KMT2D: variants seen among roughly 807,000 people sequenced by gnomAD.
The protein encoded by KMT2D is lysine methyltransferase 2D.
Under a neutral mutation model 512.7 loss-of-function variants are expected in KMT2D, and 55 were observed. The ratio of observed to expected loss-of-function variants is 0.11; its 90% CI spans 0.09 to 0.13. The LOEUF is 0.13. Among genes scored for constraint, KMT2D ranks in the 10% least tolerant of loss-of-function variants. The pLI, the probability that KMT2D is intolerant of heterozygous loss-of-function variation, is 1.00. For missense variants in KMT2D, 6,061 were observed against 7,127.9 expected (o/e 0.85, Z 5.39); for synonymous variants, 2,995 against 2,904.0 (o/e 1.03, Z -1.01).
intron 1 of KMT2D, among the ~76,000 whole-genome samples, chr12:49,058,439 T>A (rs1378347324): frequency 2.6e-5 from 4 of 152,144 alleles, no homozygotes; most frequent in Admixed American, 2.0e-4. Context: ...AGTATATGTA[T>A]GTTGGAGCAG....
rs1057516188 is a variant in KMT2D, at chr12:49,040,521, A to C, written c.7249T>G (p.Ser2417Ala). 1 of 1,601,276 alleles carries C rather than the reference A, an allele frequency of 6.2e-7. No homozygotes were observed. Among genetic ancestry groups the C allele is most frequent in the Non-Finnish European group, 8.5e-7 (1 of 1,171,900 alleles). ...AGTGGAGACTGGGAGCTGGACTGGG[A>C]CTGAGGACTGGCAGGCACTCGGGAG... ...PFSRVPASPQ[S>A]QSSSQSPLTP... Residue 2417 changes from serine (S) to alanine (A), a missense_variant, in exon 32 of 55, where the codon TCC (serine) becomes GCC (alanine). This residue lies in a region of KMT2D where 710 missense variants were observed against 647.3 expected (regional missense o/e 1.10). Transcript: ENST00000301067.
Position 49,038,428 on chromosome 12 carries a change from G to A in KMT2D, c.8928C>T (p.Pro2976=), listed in dbSNP as rs1451962506. 2 of 1,613,150 alleles carry A rather than the reference G, an allele frequency of 1.2e-6. No individual in the cohort carries two copies. The highest frequency in any genetic ancestry group is 1.7e-5 in the Admixed American group (1 of 59,988). Residue 2976 remains proline (P), a synonymous_variant, in exon 35 of 55, where the codon CCC becomes CCT. Coordinates refer to ENST00000301067, the MANE Select transcript of KMT2D (RefSeq NM_003482.4). This position sits in a 1 kb window ranked among gnomAD's most constrained non-coding sequence, Gnocchi z 5.7. ...RPPSSTELGR[P]NPLALEAGKL... ...TCCCAGCTTCCAGGGCCAGAGGATTGGGGCGGCCAAGCTCAGTGCTCGACG... is the reference window on the plus strand; with the variant it reads ...TCCCAGCTTCCAGGGCCAGAGGATTAGGGCGGCCAAGCTCAGTGCTCGACG...
chr12:49,045,923 G>A lies in KMT2D; in HGVS notation c.4738C>T (p.Pro1580Ser), dbSNP rs2120596253. ...PELVPMKVKE[P>S]EPQYFRFEGV... ...ATTCAAAATTTCTGTGACTCACCTG[G>A]CTCTTTCACCTTCATGGGCACCAGC... The change falls in exon 19 of 55, where the codon CCA (proline) becomes TCA (serine). Residue 1580 changes from proline to serine, a missense_variant. This residue lies in a region of KMT2D where 640 missense variants were observed against 814.3 expected (regional missense o/e 0.79). Coordinates refer to ENST00000301067, the MANE Select transcript of KMT2D (RefSeq NM_003482.4). 2.5e-6 allele frequency: 4 copies of A among 1,613,434 alleles called. No homozygotes were observed. Among genetic ancestry groups the A allele is most frequent in the Non-Finnish European group, 3.4e-6 (4 of 1,179,384 alleles).
intron 15 of KMT2D, among the ~76,000 whole-genome samples, chr12:49,047,630 C>T (rs1160065414): frequency 6.6e-6 from 1 of 151,722 alleles, no homozygotes; most frequent in Non-Finnish European, 1.5e-5. Context: ...ATGTTGACCA[C>T]GATGGTCCTG....
chr12:49,038,083 T>G lies in KMT2D; in HGVS notation c.9273A>C (p.Pro3091=), dbSNP rs769280577. The change falls in exon 35 of 55, where the codon CCA becomes CCC. Residue 3091 remains proline, a synonymous_variant. Transcript: ENST00000301067. The surrounding 1 kb of genome is among the most constrained non-coding windows in gnomAD (Gnocchi z 5.7). ...GGCGCTCCTCAGGGCCCAAGGGTCC[T>G]GGCTCCACCCCCCGCAGCAGGGCCT... The part of the protein sequence containing the change: ...EREALLRGVE[P]GPLGPEERPP... The G allele has an allele frequency of 6.2e-7, 1 of 1,613,666 alleles. No homozygotes were observed. The highest frequency in any genetic ancestry group is 1.1e-5 in the South Asian group (1 of 91,060).
rs1201766372 is a variant in KMT2D at position 49,046,860 on chromosome 12, T to G, written c.4237-70A>C. On this transcript the variant is annotated intron_variant, in intron 15 of 54. Transcript: ENST00000301067. The surrounding 1 kb of genome is among the most constrained non-coding windows in gnomAD (Gnocchi z 4.2). ...AGGTAGAACTTCTTTTTATTTTTTT[T>G]TGGAGATGGAGTTTTGCTCTTGTTC... 1.4e-6 allele frequency: 2 copies of G among 1,439,472 alleles called. No individual in the cohort carries two copies. Among genetic ancestry groups the G allele is most frequent in the Admixed American group, 4.5e-5 (2 of 44,722 alleles). The allele number at this position is 1,439,472 out of a possible 1,614,324, so 89.2% of individuals were successfully genotyped here. A position where few individuals can be genotyped will look rare whatever the true frequency, so the allele number is the denominator to read the frequency against.
rs936068276 is a variant in KMT2D, at chr12:49,038,073, C to G, written c.9283G>C (p.Gly3095Arg). 6.2e-7 allele frequency: 1 copy of G among 1,613,454 alleles called. No individual in the cohort carries two copies. The highest frequency in any genetic ancestry group is 1.1e-5 in the South Asian group (1 of 91,038). ...LLRGVEPGPLGPEERPPPAAD... is the reference protein window; with the variant it reads ...LLRGVEPGPLRPEERPPPAAD... ...GCAGGGGGAGGGCGCTCCTCAGGGC[C>G]CAAGGGTCCTGGCTCCACCCCCCGC... Residue 3095 changes from glycine (G) to arginine (R), a missense_variant, in exon 35 of 55, where the codon GGC (glycine) becomes CGC (arginine). This residue lies in a region of KMT2D where 533 missense variants were observed against 539.6 expected (regional missense o/e 0.99). Coordinates refer to ENST00000301067, the MANE Select transcript of KMT2D (RefSeq NM_003482.4). The surrounding 1 kb of genome is among the most constrained non-coding windows in gnomAD (Gnocchi z 5.7).
rs745986914 is a variant in KMT2D, at chr12:49,051,782, G to T, written c.1901C>A (p.Pro634His). 6.2e-7 allele frequency: 1 copy of T among 1,610,890 alleles called. No homozygotes were observed. The highest frequency in any genetic ancestry group is 8.5e-7 in the Non-Finnish European group (1 of 1,178,282). ...TGATTCTTCAGGTGGTGGGGACATA[G>T]GCGAGTCCTCAGGTGGTGGGGACAG... ...SRLSPPPEDSPMSPPPEESPM... is the reference protein window; with the variant it reads ...SRLSPPPEDSHMSPPPEESPM... The change falls in exon 11 of 55, where the codon CCT becomes CAT. Residue 634 changes from proline to histidine, a missense_variant. Coordinates refer to ENST00000301067, the MANE Select transcript of KMT2D (RefSeq NM_003482.4).
rs2120522512 is a variant in KMT2D, at chr12:49,040,119, C to T, written c.7651G>A (p.Val2551Ile). 1.2e-6 allele frequency: 2 copies of T among 1,613,838 alleles called. No individual in the cohort carries two copies. The highest frequency in any genetic ancestry group is 1.7e-5 in the Admixed American group (1 of 60,016). ...GGTGGCGGGAGACCAGGCTGAGGGA[C>T]AGGGGGCTTTAGGGAAGGCTCCCCT... ...AVGEPSLKPP[V>I]PQPGLPPPHG... The change falls in exon 32 of 55, where the codon GTC (valine) becomes ATC (isoleucine). Residue 2551 changes from valine to isoleucine, a missense_variant. This residue lies in a region of KMT2D where 710 missense variants were observed against 647.3 expected (regional missense o/e 1.10). Coordinates refer to ENST00000301067, the MANE Select transcript of KMT2D (RefSeq NM_003482.4).
chr12:49,047,050 TAGTC>T (rs976271490), intron 15 of KMT2D, among the ~76,000 whole-genome samples: 35 of 152,108 alleles, frequency 2.3e-4, no homozygotes, highest in African/African-American at 6.0e-4. Context: ...TTCACCATGT[TAGTC>T]AGGCTGGTCA....
chr12:49,043,506 T>C, intron 24 of KMT2D, 78 bp from the exon 25 acceptor site: 1 of 1,595,172 alleles, frequency 6.3e-7, no homozygotes, highest in South Asian at 1.1e-5. Context: ...CCCACAGCCC[T>C]ACAGGCCAGG....
chr12:49,051,264 A>G lies in KMT2D; in HGVS notation c.2419T>C (p.Ser807Pro), dbSNP rs2120666772. The G allele has an allele frequency of 6.5e-7, 1 of 1,541,330 alleles. No homozygotes were observed. Among genetic ancestry groups the G allele is most frequent in the Non-Finnish European group, 8.7e-7 (1 of 1,143,876 alleles). The change falls in exon 11 of 55, where the codon TCC (serine) becomes CCC (proline). Residue 807 changes from serine (S) to proline (P), a missense_variant. Physicochemically the swap from Ser to Pro is moderately conservative, Grantham distance 74. Transcript: ENST00000301067. ...AGGTGCGGCTCCTCAGTCTGGGGGG[A>G]CAGGTGCAATTCCTCAGGCTGAGGG... is the stretch of plus-strand genomic sequence containing the variant. ...LSPQPEELHL[S>P]PQTEEPHLSP...
chr12:49,047,467 G>A (rs752388770), intron 15 of KMT2D, among the ~76,000 whole-genome samples: 55 of 145,772 alleles, frequency 3.8e-4, no homozygotes, highest in Non-Finnish European at 7.1e-4. Flanking sequence ...GGCTGGAGTG[G>A]AGTACAGTGG....
chr12:49,043,954 AGCTCTGCTCCAC>A lies in KMT2D; in HGVS notation c.5221_5232del (p.Val1741_Ser1744del). ...TTCTTCTTCTCATCCCCTTCAGCTA[AGCTCTGCTCCAC>A]GGCGCCCTCTGCAGGCAGGTCAGCA... is the stretch of plus-strand genomic sequence containing the variant. On this transcript the variant is annotated inframe_deletion, in exon 23 of 55. Coordinates refer to ENST00000301067, the MANE Select transcript of KMT2D (RefSeq NM_003482.4). The A allele has an allele frequency of 1.9e-6, 3 of 1,614,038 alleles. No homozygotes were observed. Among genetic ancestry groups the A allele is most frequent in the Non-Finnish European group, 2.5e-6 (3 of 1,179,894 alleles).
In KMT2D at chr12:49,037,787, C is replaced by T. The variant is rs2120485634; in HGVS notation, c.9569G>A (p.Gly3190Glu). ...GGGGGTCAGCAGGTGAGCTGGTGGT[C>T]CTCCCGTGGCCCCAAAGGAGGCCTT... ...AEKASFGATG[G>E]PPAHLLTPSP... Residue 3190 changes from glycine (G) to glutamate (E), a missense_variant, in exon 35 of 55, where the codon GGA becomes GAA. Gly to Glu is a moderately conservative substitution (Grantham distance 98, BLOSUM62 -2). Around this residue, in one of 16 missense-constraint regions of KMT2D, gnomAD observed 533 missense variants for 539.6 expected, o/e 0.99. Transcript: ENST00000301067. The T allele has an allele frequency of 6.3e-7, 1 of 1,595,710 alleles. No individual in the cohort carries two copies. Among genetic ancestry groups the T allele is most frequent in the Non-Finnish European group, 8.5e-7 (1 of 1,170,866 alleles).
rs550637969 is a variant in KMT2D, at chr12:49,051,377, T to G, written c.2306A>C (p.His769Pro). Residue 769 changes from histidine (H) to proline (P), a missense_variant, in exon 11 of 55, where the codon CAC becomes CCC. Coordinates refer to ENST00000301067, the MANE Select transcript of KMT2D (RefSeq NM_003482.4). ...PHLSPQAEEP[H>P]LSPQPEEPCL... ...TGGCTCCTCAGGCTGGGGGGACAGG[T>G]GTGGCTCCTCAGCCTGCGGAGATAG... 2 of 1,566,476 alleles carry G rather than the reference T, an allele frequency of 1.3e-6. No individual in the cohort carries two copies. The highest frequency in any genetic ancestry group is 1.6e-5 in the African/African-American group (1 of 63,290).
At position 49,055,180 on chromosome 12, in the gene KMT2D, C is replaced by T. The variant is rs117513962; in HGVS notation, c.49+96G>A. On this transcript the variant is annotated intron_variant, in intron 2 of 54. Coordinates refer to ENST00000301067, the MANE Select transcript of KMT2D (RefSeq NM_003482.4). ...AGAACAAAGTTGTTCCATTACTTAT[C>T]TGCTACATAGACTTAGCTCATGTCC... 4.1e-4 allele frequency: 628 copies of T among 1,543,088 alleles called. 7 individuals are homozygous for T. In the East Asian group the frequency reaches 0.013, roughly 33 times the overall value.
chr12:49,033,902 T>C lies in KMT2D; in HGVS notation c.10803A>G (p.Gln3601=), dbSNP rs937969520. ...LMAEYRNKQQ[Q]QQQQQQQQQQ... ...GTTGTTGCTGCTGCTGCTGCTGTTG[T>C]TGCTGCTGCTTGTTCCGATATTCTG... Residue 3601 remains glutamine (Q), a synonymous_variant, in exon 40 of 55, where the codon CAA becomes CAG. Transcript: ENST00000301067. 26 of 1,544,356 alleles carry C rather than the reference T, an allele frequency of 1.7e-5. No individual in the cohort carries two copies. The highest frequency in any genetic ancestry group is 2.2e-5 in the Non-Finnish European group (25 of 1,144,708).
rs753048826 is a variant in KMT2D, at chr12:49,049,833, C to T, written c.3755G>A (p.Arg1252Gln). 6.2e-7 allele frequency: 1 copy of T among 1,613,964 alleles called. No individual in the cohort carries two copies. Among genetic ancestry groups the T allele is most frequent in the South Asian group, 1.1e-5 (1 of 91,086 alleles). The change falls in exon 12 of 55, where the codon CGA (arginine) becomes CAA (glutamine). Residue 1252 changes from arginine (R) to glutamine (Q), a missense_variant. By Grantham distance (43) the Arg-to-Gln change is conservative (BLOSUM62 1). This residue lies in a region of KMT2D where 447 missense variants were observed against 500.1 expected (regional missense o/e 0.89). Transcript: ENST00000301067. ...LGVSTDVSPA[R>Q]DEGSLRLCTD... ...ACAGAGCCGTAGGGAGCCCTCATCTCGGGCTGGACTAACATCCGTAGAGAC... is the reference window on the plus strand; with the variant it reads ...ACAGAGCCGTAGGGAGCCCTCATCTTGGGCTGGACTAACATCCGTAGAGAC...
Sources: gnomAD v4.1 joint callset for allele counts (sites outside exome capture counted in the v4.1 genomes callset) on GRCh38, gnomAD v4.1.1 for gene constraint, gnomAD v4.1.1 regional missense constraint, Gnocchi (gnomAD v3.1) non-coding constraint, MANE v1.5 for transcripts, NCBI Gene and HGNC (gene_info 2026-07-23, HGNC 2026-07-21) for gene names.